Variants in TSNARE1 observed in about 807,000 individuals in gnomAD.
TSNARE1 encodes the protein t-SNARE domain-containing protein 1.
TSNARE1 carries 49 observed loss-of-function variants against 62.0 expected under a neutral mutation model. The observed-to-expected ratio is 0.79, with a 90% CI of 0.63 to 1.00. The LOEUF is 1.00. Among genes scored for constraint, TSNARE1 ranks in the 50% least tolerant of loss-of-function variants. The pLI is 0.00. For missense variants in TSNARE1, 755 were observed against 700.1 expected (o/e 1.08, Z -0.88); for synonymous variants, 328 against 294.4 (o/e 1.11, Z -1.17).
At chr8:142,356,327 C>T (rs991979059) in intron 1 of TSNARE1, among the ~76,000 whole-genome samples, 1 of 152,188 alleles carries the variant, frequency 6.6e-6, no homozygotes, top group African/African-American at 2.4e-5. Context: ...CAGGTACCTG[C>T]CCAGTCGCCA....
At chr8:142,306,122 A>G (rs1328813276) in intron 9 of TSNARE1, among the ~76,000 whole-genome samples, 2 of 152,168 alleles carry the variant, frequency 1.3e-5, no homozygotes, top group Non-Finnish European at 2.9e-5. Flanking sequence ...AAGCAGCAAC[A>G]GACTCTATTT....
intron 2 of TSNARE1, among the ~76,000 whole-genome samples, chr8:142,352,916 C>T (rs1359532867): frequency 6.6e-6 from 1 of 152,202 alleles, no homozygotes; most frequent in African/African-American, 2.4e-5. Flanking sequence ...CACACGTGTG[C>T]ACATGCACAC....
At chr8:142,299,248 C>T (rs1825271225) in intron 10 of TSNARE1, among the ~76,000 whole-genome samples, 1 of 152,236 alleles carries the variant, frequency 6.6e-6, no homozygotes, top group African/African-American at 2.4e-5. Context: ...GGGGCTGAGC[C>T]CCAGCACTGT....
At chr8:142,265,356 G>A (rs1428840986) in intron 12 of TSNARE1, among the ~76,000 whole-genome samples, 5 of 152,130 alleles carry the variant, frequency 3.3e-5, no homozygotes, top group Non-Finnish European at 7.3e-5. Context: ...CACAAAGCAT[G>A]GCCTTTTCGA....
chr8:142,277,127 G>A lies in TSNARE1; in HGVS notation c.1364-2264C>T, dbSNP rs1469088045. 6.1e-6 allele frequency: 6 copies of A among 985,204 alleles called. No individual in the cohort carries two copies. The Admixed American group carries it at 3.1e-4, about 50-fold the overall frequency. 61.0% of individuals were successfully genotyped at this position (985,204 alleles called of 1,614,324 possible). A position where few individuals can be genotyped will look rare whatever the true frequency, so the allele number is the denominator to read the frequency against. On this transcript the variant is annotated intron_variant, in intron 11 of 13. Coordinates refer to ENST00000524325, the MANE Select transcript of TSNARE1 (RefSeq NM_145003.5). ...CCAGTGGCTTTGTCAGGTCTTGGAG[G>A]CCCCCAGTCTGTGAGGTGAGCCCTG...
At chr8:142,298,578 C>CT (rs1481450613) in intron 10 of TSNARE1, among the ~76,000 whole-genome samples, 2 of 152,204 alleles carry the variant, frequency 1.3e-5, no homozygotes, top group Non-Finnish European at 1.5e-5. Flanking sequence ...AGCCAAGCCT[C>CT]TCCCTGGACG....
At position 142,344,173 on chromosome 8, in the gene TSNARE1, C is replaced by T. The variant is rs777254932; in HGVS notation, c.538G>A (p.Asp180Asn). 11 of 1,613,412 alleles carry T rather than the reference C, an allele frequency of 6.8e-6. No homozygotes were observed. The highest frequency in any genetic ancestry group is 8.5e-6 in the Non-Finnish European group (10 of 1,179,880). Residue 180 changes from aspartate to asparagine, a missense_variant, in exon 4 of 14, where the codon GAC (aspartate) becomes AAC (asparagine). By Grantham distance (23) the Asp-to-Asn change is conservative. Coordinates refer to ENST00000524325, the MANE Select transcript of TSNARE1 (RefSeq NM_145003.5). ...CACTTGTGCTTCAGGTCCACAACGTCGCGGCGACAGTAGCCCAGCGCATTC... is the reference window on the plus strand; with the variant it reads ...CACTTGTGCTTCAGGTCCACAACGTTGCGGCGACAGTAGCCCAGCGCATTC... The part of the protein sequence containing the change: ...AVNALGYCRR[D>N]VVDLKHKWRD...
intron 12 of TSNARE1, among the ~76,000 whole-genome samples, chr8:142,258,538 G>A (rs1054577576): frequency 2.0e-5 from 3 of 147,942 alleles, no homozygotes; most frequent in East Asian, 4.0e-4. Flanking sequence ...CTGGAGTGCC[G>A]TGGCGTGATC....
intron 1 of TSNARE1, among the ~76,000 whole-genome samples, chr8:142,360,495 C>G (rs1835073556): frequency 6.6e-6 from 1 of 152,158 alleles, no homozygotes; most frequent in African/African-American, 2.4e-5. Flanking sequence ...AGGGCTGCCT[C>G]AATGAGGCCG....
chr8:142,347,946 A>G (rs4073587), intron 2 of TSNARE1, among the ~76,000 whole-genome samples: 42,176 of 151,478 alleles, frequency 0.28, 7,730 homozygotes, highest in African/African-American at 0.52. Context: ...CACTGCACCA[A>G]CGTTATTCCA....
At chr8:142,368,212 C>T (rs560738388) in intron 1 of TSNARE1, among the ~76,000 whole-genome samples, 180 of 150,710 alleles carry the variant, frequency 1.2e-3, no homozygotes, top group African/African-American at 4.1e-3. Flanking sequence ...TGCCAAAGGA[C>T]GAATATTATC....
intron 6 of TSNARE1, among the ~76,000 whole-genome samples, chr8:142,326,772 T>G (rs1424356373): frequency 6.6e-6 from 1 of 151,994 alleles, no homozygotes; most frequent in African/African-American, 2.4e-5. Context: ...AACTCAACAG[T>G]AAAAAGAAAA....
chr8:142,299,546 C>G (rs1375775290), intron 10 of TSNARE1, among the ~76,000 whole-genome samples: 1 of 152,236 alleles, frequency 6.6e-6, no homozygotes, highest in Non-Finnish European at 1.5e-5. Context: ...CCCACGCTGC[C>G]TGATTGATGT....
At chr8:142,318,169 T>A (rs1318209207) in intron 7 of TSNARE1, among the ~76,000 whole-genome samples, 1 of 152,070 alleles carries the variant, frequency 6.6e-6, no homozygotes, top group Non-Finnish European at 1.5e-5. Flanking sequence ...GGGTGGCGGA[T>A]GCAGCAGAGG....
intron 6 of TSNARE1, among the ~76,000 whole-genome samples, chr8:142,320,167 T>C (rs1829267220): frequency 6.6e-6 from 1 of 152,194 alleles, no homozygotes; most frequent in Non-Finnish European, 1.5e-5. Flanking sequence ...CCCCTCACAT[T>C]CTGTGCACAG....
At chr8:142,293,646 G>A (rs892380479) in intron 10 of TSNARE1, among the ~76,000 whole-genome samples, 10 of 152,202 alleles carry the variant, frequency 6.6e-5, no homozygotes, top group Admixed American at 6.5e-5. Context: ...CTCCGCAGGG[G>A]ACAAGGAAGC....
chr8:142,393,738 A>G (rs1837706740), intron 1 of TSNARE1, among the ~76,000 whole-genome samples: 1 of 152,178 alleles, frequency 6.6e-6, no homozygotes, highest in South Asian at 2.1e-4. Flanking sequence ...CCTACTGCAG[A>G]TAGGGAAGCC....
chr8:142,366,025 T>C (rs1294169525), intron 1 of TSNARE1: 3 of 386,290 alleles, frequency 7.8e-6, no homozygotes, highest in Non-Finnish European at 1.5e-5. Context: ...ACACTGAAAA[T>C]GAAGGATTTT....
intron 12 of TSNARE1, among the ~76,000 whole-genome samples, chr8:142,260,994 AGGGGGGTGG>A (rs1563786642): frequency 6.8e-3 from 6 of 882 alleles, no homozygotes; most frequent in Admixed American, 0.015. Context: ...GGAGAGAGGG[AGGGGGGTGG>A]GGAGGGAGGA....
Sources: allele counts gnomAD v4.1 joint callset (sites outside exome capture counted in the v4.1 genomes callset), GRCh38; gene constraint gnomAD v4.1.1; transcripts MANE v1.5; gene names NCBI Gene and HGNC (gene_info 2026-07-23, HGNC 2026-07-21).